GRM7: variants seen among roughly 807,000 people sequenced by gnomAD.
GRM7 encodes the protein glutamate metabotropic receptor 7, also known as metabotropic glutamate receptor 7.
GRM7 carries 35 observed loss-of-function variants against 84.5 expected under a neutral mutation model. The ratio of observed to expected loss-of-function variants is 0.41; its 90% CI spans 0.32 to 0.55. GRM7 has a LOEUF of 0.55. Among genes scored for constraint, GRM7 ranks in the 20% least tolerant of loss-of-function variants. The pLI is 0.19. For missense variants in GRM7, 1,003 were observed against 1,194.6 expected, an observed-to-expected ratio of 0.84 and a Z score of 2.36; for synonymous variants, 487 against 455.1, an observed-to-expected ratio of 1.07 and a Z score of -0.89.
rs564731250 is a variant in GRM7, at chr3:6,984,023, G to C, written c.519+122116G>C. Among the ~76,000 whole-genome samples the C allele has an allele frequency of 2.3e-3, 354 of 152,182 alleles. 2 individuals carry two copies. In the Middle Eastern group the frequency reaches 0.024, roughly 10 times the overall value. On this transcript the variant is annotated intron_variant, in intron 1 of 9. Transcript: ENST00000357716. ...TATGCCAGGCATAGGACATTGACAG[G>C]GGACCACTTCCGTGGAATGACTTGA...
rs373755801 is a variant in GRM7 at position 7,623,021 on chromosome 3, C to G, written c.2451+43664C>G. Among the ~76,000 whole-genome samples, 40 of 152,286 alleles carry G rather than the reference C, an allele frequency of 2.6e-4. 1 individual carries two copies. Among genetic ancestry groups the G allele is most frequent in the African/African-American group, 8.2e-4 (34 of 41,570 alleles). ...TGCTTCACTCCTGCTCTCCAAATGC[C>G]ATGTGGCAGTCTTTCTTGTGATCTA... On this transcript the variant is annotated intron_variant, in intron 8 of 9. Transcript: ENST00000357716.
intron 5 of GRM7, among the ~76,000 whole-genome samples, chr3:7,439,839 A>C (rs1003988087): frequency 1.3e-5 from 2 of 151,544 alleles, no homozygotes; most frequent in African/African-American, 4.9e-5. Context: ...GGAGTAGTCA[A>C]TGTGGATTTG....
intron 1 of GRM7, among the ~76,000 whole-genome samples, chr3:7,011,312 C>G (rs753144900): frequency 6.6e-6 from 1 of 152,164 alleles, no homozygotes; most frequent in Non-Finnish European, 1.5e-5. Context: ...GAAGAGCTCT[C>G]TGTAAATAAA....
At chr3:7,029,411 G>T (rs2124925006) in intron 1 of GRM7, among the ~76,000 whole-genome samples, 1 of 151,726 alleles carries the variant, frequency 6.6e-6, no homozygotes, top group African/African-American at 2.4e-5. Context: ...GCGGGTATTT[G>T]TACACCAGTG....
intron 2 of GRM7, among the ~76,000 whole-genome samples, chr3:7,243,080 A>G (rs1697620687): frequency 6.6e-6 from 1 of 152,158 alleles, no homozygotes; most frequent in Non-Finnish European, 1.5e-5. Flanking sequence ...GAAGGTGATG[A>G]TCATTCTAAG....
At chr3:7,349,114 C>T (rs1693020324) in intron 4 of GRM7, among the ~76,000 whole-genome samples, 1 of 152,072 alleles carries the variant, frequency 6.6e-6, no homozygotes, top group South Asian at 2.1e-4. Context: ...TCATAAACTT[C>T]TTTAGCATGC....
chr3:7,419,939 C>G (rs956408074), intron 5 of GRM7, among the ~76,000 whole-genome samples: 8 of 152,198 alleles, frequency 5.3e-5, no homozygotes, highest in African/African-American at 1.9e-4. Context: ...TGTCCCTAAT[C>G]AGCCCCTGTT....
chr3:7,692,227 C>T (rs1290917398), intron 9 of GRM7, among the ~76,000 whole-genome samples: 3 of 152,118 alleles, frequency 2.0e-5, no homozygotes, highest in Non-Finnish European at 4.4e-5. Flanking sequence ...GCTCATACCA[C>T]CTGATATATG....
At chr3:7,212,335 C>CCATT (rs144947910) in intron 2 of GRM7, among the ~76,000 whole-genome samples, 1,562 of 151,880 alleles carry the variant, frequency 0.01, 9 homozygotes, top group African/African-American at 0.014. Context: ...TTCTTTTTCT[C>CCATT]CATTCATTCA....
chr3:7,306,374 A>C lies in GRM7; in HGVS notation c.879-124A>C, dbSNP rs1219186620. 3 of 748,226 alleles carry C rather than the reference A, an allele frequency of 4.0e-6. No individual in the cohort carries two copies. In the Admixed American group the frequency reaches 7.2e-5, roughly 18 times the overall value. The allele number at this position is 748,226 out of a possible 1,614,324, so 46.3% of individuals were successfully genotyped here. The stretch of plus-strand genomic sequence containing the variant: ...TATTAGGGATATAAATTCTTTATCA[A>C]GTTTTTTGCAATTATTTACTTTTTG... On this transcript the variant is annotated intron_variant, in intron 3 of 9. Coordinates refer to ENST00000357716, the MANE Select transcript of GRM7 (RefSeq NM_000844.4).
intron 4 of GRM7, among the ~76,000 whole-genome samples, chr3:7,340,812 A>G (rs1357836101): frequency 1.3e-5 from 2 of 152,134 alleles, no homozygotes; most frequent in South Asian, 4.1e-4. Context: ...CTTAAGTGAA[A>G]TCAATGTTCT....
intron 4 of GRM7, among the ~76,000 whole-genome samples, chr3:7,407,016 G>A (rs952668847): frequency 6.6e-6 from 1 of 152,192 alleles, no homozygotes; most frequent in Non-Finnish European, 1.5e-5. Flanking sequence ...AAAGGCAAGA[G>A]ATTAGAAAGG....
At chr3:7,142,233 A>G (rs915947437) in intron 1 of GRM7, among the ~76,000 whole-genome samples, 1 of 152,154 alleles carries the variant, frequency 6.6e-6, no homozygotes, top group African/African-American at 2.4e-5. Context: ...ATATTTTAAT[A>G]ATAAATAATA....
At chr3:7,436,899 T>C (rs928579461) in intron 5 of GRM7, among the ~76,000 whole-genome samples, 2 of 149,516 alleles carry the variant, frequency 1.3e-5, no homozygotes, top group Non-Finnish European at 3.0e-5. Context: ...TTGGAATCTA[T>C]ATTCTGGCCT....
chr3:7,695,313 G>A (rs74680396), intron 9 of GRM7, among the ~76,000 whole-genome samples: 1 of 152,136 alleles, frequency 6.6e-6, no homozygotes, highest in Non-Finnish European at 1.5e-5. Context: ...ATAAGAAGCT[G>A]GGTCAATATT....
intron 1 of GRM7, among the ~76,000 whole-genome samples, chr3:7,079,184 AC>A (rs1254685833): frequency 6.6e-6 from 1 of 152,030 alleles, no homozygotes; most frequent in Non-Finnish European, 1.5e-5. Context: ...TAATTAGAAT[AC>A]CTCTTTTTTC....
At chr3:7,261,910 C>CT (rs1698441519) in intron 2 of GRM7, among the ~76,000 whole-genome samples, 1 of 147,378 alleles carries the variant, frequency 6.8e-6, no homozygotes, top group African/African-American at 2.5e-5. Context: ...CCCTCCCTCC[C>CT]TCCCTTCCTC....
chr3:7,566,103 GTTTTT>G (rs58178956), intron 7 of GRM7, among the ~76,000 whole-genome samples: 571 of 129,612 alleles, frequency 4.4e-3, no homozygotes, highest in African/African-American at 0.014. Flanking sequence ...TGAATCAGCT[GTTTTT>G]TTTTTTTTTT....
intron 1 of GRM7, among the ~76,000 whole-genome samples, chr3:7,054,511 T>C (rs1697144521): frequency 6.6e-6 from 1 of 151,492 alleles, no homozygotes; most frequent in African/African-American, 2.4e-5. Context: ...ATAATGAGAG[T>C]AGTCATTCTT....
Sources: gnomAD v4.1 joint callset for allele counts (sites outside exome capture counted in the v4.1 genomes callset) on GRCh38, gnomAD v4.1.1 for gene constraint, MANE v1.5 for transcripts, NCBI Gene and HGNC (gene_info 2026-07-23, HGNC 2026-07-21) for gene names.